The following PTPN21 variants were observed in gnomAD, a reference collection of about 807,000 sequenced individuals.
The protein encoded by PTPN21 is tyrosine-protein phosphatase non-receptor type 21.
A neutral mutation model predicts 131.8 loss-of-function variants in PTPN21; 77 were observed. That is an observed-to-expected ratio of 0.58 (90% CI 0.49 to 0.71). The LOEUF (loss-of-function observed/expected upper bound fraction) is 0.71. Among genes scored for constraint, PTPN21 ranks in the 30% least tolerant of loss-of-function variants. The probability of loss-of-function intolerance (pLI) is 0.00; values close to 1 mark genes in which losing one functional copy is unlikely to be tolerated. For synonymous variants in PTPN21, 715 were observed against 621.3 expected, an observed-to-expected ratio of 1.15 and a Z score of -2.24; for missense variants, 1,552 against 1,527.1, an observed-to-expected ratio of 1.02 and a Z score of -0.27.
Position 88,554,718 on chromosome 14 carries a change from C to CCCGCCGCGCGG in PTPN21, c.-281_-271dup, listed in dbSNP as rs1264862042. The CCCGCCGCGCGG allele has an allele frequency of 6.8e-6, 1 of 147,990 alleles. No individual in the cohort carries two copies. Among genetic ancestry groups the CCCGCCGCGCGG allele is most frequent in the Non-Finnish European group, 1.5e-5 (1 of 66,424 alleles). The allele number at this position is 147,990 out of a possible 1,614,324, so 9.2% of individuals were successfully genotyped here. A position where few individuals can be genotyped will look rare whatever the true frequency, so the allele number is the denominator to read the frequency against. ...CGCTCAGCGACCCGCCTCCCGGGGC[C>CCCGCCGCGCGG]CCGCCGCGCGGCCGCCGCAGCCGCA... is the stretch of plus-strand genomic sequence containing the variant. On this transcript the variant is annotated 5_prime_UTR_variant, in exon 1 of 19. It removes the in-frame stop codon of an upstream open reading frame in the 5' UTR. Coordinates refer to ENST00000556564, the MANE Select transcript of PTPN21 (RefSeq NM_007039.4).
At chr14:88,497,956 C>T (rs2077948144) in intron 8 of PTPN21, among the ~76,000 whole-genome samples, 1 of 151,968 alleles carries the variant, frequency 6.6e-6, no homozygotes, top group South Asian at 2.1e-4. Context: ...AAAAAATTAG[C>T]TGGGCATGGT....
rs571562562 is a variant in PTPN21, at chr14:88,541,762, C to T, written c.180+8476G>A. ...TAGTAGAAGGGTCAGCGAGGGGAGG[C>T]TCTATATTCAGAGGCAAATTATTAT... On this transcript the variant is annotated intron_variant, in intron 2 of 18. Transcript: ENST00000556564. 2.0e-5 allele frequency among the ~76,000 whole-genome samples: 3 copies of T among 152,330 alleles called. No individual in the cohort carries two copies. In the East Asian group the frequency reaches 5.8e-4, roughly 29 times the overall value.
In PTPN21 at chr14:88,466,251, ATG is replaced by A. The variant is rs1197605689; in HGVS notation, c.*1884_*1885del. 2 of 152,162 alleles carry A rather than the reference ATG, an allele frequency of 1.3e-5. No individual in the cohort carries two copies. The highest frequency in any genetic ancestry group is 2.9e-5 in the Non-Finnish European group (2 of 68,028). 9.4% of individuals were successfully genotyped at this position (152,162 alleles called of 1,614,324 possible). A position where few individuals can be genotyped will look rare whatever the true frequency, so the allele number is the denominator to read the frequency against. On this transcript the variant is annotated 3_prime_UTR_variant, in exon 19 of 19. Transcript: ENST00000556564. ...AAAATTTACATTTTGTTCCTACAAA[ATG>A]TAATTTTTTAATTTTGTAAAATAAA...
At chr14:88,527,243 T>C (rs937845295) in intron 2 of PTPN21, among the ~76,000 whole-genome samples, 9 of 152,208 alleles carry the variant, frequency 5.9e-5, no homozygotes, top group African/African-American at 1.4e-4. Context: ...TTGTTTTCCA[T>C]AGTGGTTGTA....
In PTPN21 at chr14:88,517,229, C is replaced by T. The variant is rs748331649; in HGVS notation, c.213G>A (p.Lys71=). The T allele has an allele frequency of 1.9e-6, 3 of 1,613,924 alleles. No homozygotes were observed. In the African/African-American group the frequency reaches 4.0e-5, roughly 22 times the overall value. ...AATCTACCCACCGGCGCTGATTTTG[C>T]TTGTTGTAGTACCAGAGGCTGAAGT... ...VTYFSLWYYN[K]QNQRRWVDLE... is the part of the protein sequence containing the mutation. The change falls in exon 3 of 19, where the codon AAG becomes AAA. Residue 71 remains lysine, a synonymous_variant. Coordinates refer to ENST00000556564, the MANE Select transcript of PTPN21 (RefSeq NM_007039.4).
At chr14:88,517,678 GTATA>G (rs1179982408) in intron 2 of PTPN21, among the ~76,000 whole-genome samples, 4 of 16,120 alleles carry the variant, frequency 2.5e-4, no homozygotes, top group Non-Finnish European at 8.3e-4. Flanking sequence ...ACACACATAT[GTATA>G]TATACATATG....
intron 13 of PTPN21, among the ~76,000 whole-genome samples, chr14:88,478,579 G>A (rs182614985): frequency 2.0e-5 from 3 of 152,286 alleles, no homozygotes; most frequent in Admixed American, 6.5e-5. Context: ...GGTGGCTAAA[G>A]CAATCGTGGC....
chr14:88,497,424 A>G (rs1257998016), intron 8 of PTPN21, 134 bp from the exon 9 acceptor site: 8 of 701,530 alleles, frequency 1.1e-5, no homozygotes, highest in African/African-American at 1.8e-5. Context: ...ACAAAAAACA[A>G]AAAACACGAG....
At position 88,508,126 on chromosome 14, in the gene PTPN21, C is replaced by T. The variant is rs2078122292; in HGVS notation, c.351-106G>A. On this transcript the variant is annotated intron_variant, in intron 3 of 18. Coordinates refer to ENST00000556564, the MANE Select transcript of PTPN21 (RefSeq NM_007039.4). ...AGAAGCATAAACCAGTGAAATAAAA[C>T]CTTAATCCCACATGGTTGTGTGTGT... 5.3e-6 allele frequency: 3 copies of T among 563,456 alleles called. No individual in the cohort carries two copies. The East Asian group carries it at 9.5e-5, about 18-fold the overall frequency. The allele number at this position is 563,456 out of a possible 1,614,324, so 34.9% of individuals were successfully genotyped here.
chr14:88,501,492 A>G (rs1364502887), intron 6 of PTPN21, 124 bp from the exon 7 acceptor site: 3 of 828,478 alleles, frequency 3.6e-6, no homozygotes, highest in Non-Finnish European at 5.9e-6. Flanking sequence ...GTTTCTAAGC[A>G]TCTATAATTG....
rs2077359863 is a variant in PTPN21 at position 88,466,183 on chromosome 14, T to TA, written c.*1953dup. The TA allele has an allele frequency of 6.6e-6, 1 of 152,202 alleles. No homozygotes were observed. The highest frequency in any genetic ancestry group is 2.1e-4 in the South Asian group (1 of 4,828). The allele number at this position is 152,202 out of a possible 1,614,324, so 9.4% of individuals were successfully genotyped here. ...CGTTCTGAATATTTTCACTTAGTTCTACTGTTCTTTAAACAGGACTTTAAA... is the reference window on the plus strand; with the variant it reads ...CGTTCTGAATATTTTCACTTAGTTCTAACTGTTCTTTAAACAGGACTTTAAA... On this transcript the variant is annotated 3_prime_UTR_variant, in exon 19 of 19. Coordinates refer to ENST00000556564, the MANE Select transcript of PTPN21 (RefSeq NM_007039.4).
intron 8 of PTPN21, among the ~76,000 whole-genome samples, chr14:88,497,925 C>T (rs2077947711): frequency 1.3e-5 from 2 of 151,986 alleles, no homozygotes; most frequent in African/African-American, 4.8e-5. Context: ...TGGTGAAACC[C>T]TGTCTCTACT....
chr14:88,523,716 G>GACACACAC lies in PTPN21; in HGVS notation c.181-6463_181-6456dup, dbSNP rs71126989. 2.9e-4 allele frequency among the ~76,000 whole-genome samples: 42 copies of GACACACAC among 144,546 alleles called. 1 individual carries two copies. The highest frequency in any genetic ancestry group is 6.8e-4 in the South Asian group (3 of 4,380). The allele number at this position is 144,546 out of a possible 152,430, so 94.8% of individuals were successfully genotyped here. ...TCCTCCAAATCCACCCCCCAACCGT[G>GACACACAC]ACACACACACACACACACACACACA... On this transcript the variant is annotated intron_variant, in intron 2 of 18. Transcript: ENST00000556564.
At chr14:88,523,578 T>C (rs987609742) in intron 2 of PTPN21, among the ~76,000 whole-genome samples, 1 of 152,048 alleles carries the variant, frequency 6.6e-6, no homozygotes, top group African/African-American at 2.4e-5. Flanking sequence ...CATTTGACAT[T>C]GTACTGAAGG....
chr14:88,472,059 GGATT>G (rs2077479646), intron 15 of PTPN21, among the ~76,000 whole-genome samples, 181 bp downstream of exon 15: 1 of 152,148 alleles, frequency 6.6e-6, no homozygotes, highest in African/African-American at 2.4e-5. Context: ...ACTGGTATGT[GGATT>G]TCCCAGCTTG....
intron 2 of PTPN21, among the ~76,000 whole-genome samples, chr14:88,541,256 A>G (rs1595416064): frequency 6.6e-6 from 1 of 152,218 alleles, no homozygotes; most frequent in East Asian, 1.9e-4. Context: ...TTAGGCAAAA[A>G]CTTAAATTGC....
chr14:88,528,453 T>G (rs769945859), intron 2 of PTPN21, among the ~76,000 whole-genome samples: 2 of 152,228 alleles, frequency 1.3e-5, no homozygotes, highest in African/African-American at 4.8e-5. Context: ...CTCAACTTCA[T>G]CACTGTTTGT....
In PTPN21 at chr14:88,479,550, C is replaced by CGCGGCGGTGAGGGGCTCGCTGACCTCCT. The variant is rs1566813305; in HGVS notation, c.1853_1880dup (p.Arg628GlyfsTer80). The CGCGGCGGTGAGGGGCTCGCTGACCTCCT allele has an allele frequency of 6.3e-7, 1 of 1,599,274 alleles. No homozygotes were observed. The highest frequency in any genetic ancestry group is 1.7e-5 in the Admixed American group (1 of 59,900). On this transcript the variant is annotated frameshift_variant, in exon 13 of 19. Coordinates refer to ENST00000556564, the MANE Select transcript of PTPN21 (RefSeq NM_007039.4). LOFTEE classifies it high-confidence loss of function. ...TCCGTTTGTGCAGCTGCGCGTGGCGCGCGGCGGTGAGGGGCTCGCTGACCT... is the reference window on the plus strand; with the variant it reads ...TCCGTTTGTGCAGCTGCGCGTGGCGCGCGGCGGTGAGGGGCTCGCTGACCTCCTGCGGCGGTGAGGGGCTCGCTGACCT...
chr14:88,479,734 G>GGTGGCC lies in PTPN21; in HGVS notation c.1691_1696dup (p.Arg564_Pro565dup). The GGTGGCC allele has an allele frequency of 7.1e-7, 1 of 1,417,752 alleles. No homozygotes were observed. Among genetic ancestry groups the GGTGGCC allele is most frequent in the Non-Finnish European group, 9.5e-7 (1 of 1,053,152 alleles). 87.8% of individuals were successfully genotyped at this position (1,417,752 alleles called of 1,614,324 possible). ...GGGCCTGGGGGGCGGGTAGGGTGGG[G>GGTGGCC]GTGGCCGGTACACCTGCGTCCGCAT... On this transcript the variant is annotated inframe_insertion, in exon 13 of 19. Coordinates refer to ENST00000556564, the MANE Select transcript of PTPN21 (RefSeq NM_007039.4).
Sources: gnomAD v4.1 joint callset for allele counts (sites outside exome capture counted in the v4.1 genomes callset) on GRCh38, gnomAD v4.1.1 for gene constraint, MANE v1.5 for transcripts, NCBI Gene and HGNC (gene_info 2026-07-23, HGNC 2026-07-21) for gene names.